Variants in CDK19 observed in about 807,000 individuals in gnomAD.
The protein encoded by CDK19 is cyclin-dependent kinase 19.
In CDK19, 20 loss-of-function variants were observed where a neutral mutation model predicts 68.3. The observed-to-expected ratio is 0.29, with a 90% CI of 0.21 to 0.43. The LOEUF is 0.43. Ranked by LOEUF, CDK19 falls within the 20% of genes least tolerant of loss-of-function variation. CDK19 has a pLI of 1.00. For synonymous variants in CDK19, 221 were observed against 222.8 expected (o/e 0.99, Z 0.07); for missense variants, 339 against 623.5 (o/e 0.54, Z 4.86).
At chr6:110,773,681 C>CT (rs1245295557) in intron 1 of CDK19, among the ~76,000 whole-genome samples, 4 of 152,146 alleles carry the variant, frequency 2.6e-5, no homozygotes, top group Admixed American at 2.6e-4. Context: ...CTAAATGTTA[C>CT]TTTTTTTAAT....
intron 12 of CDK19, among the ~76,000 whole-genome samples, chr6:110,617,977 C>A (rs1378392352): frequency 6.6e-6 from 1 of 151,650 alleles, no homozygotes; most frequent in Non-Finnish European, 1.5e-5. Flanking sequence ...TCACCAGCAC[C>A]ATGACAGTTC....
In CDK19 at chr6:110,610,292, T is replaced by C. The variant is rs557404927; in HGVS notation, c.*4243A>G. The C allele has an allele frequency of 1.3e-5, 2 of 152,712 alleles. No individual in the cohort carries two copies. The highest frequency in any genetic ancestry group is 2.1e-4 in the South Asian group (1 of 4,828). 9.5% of individuals were successfully genotyped at this position (152,712 alleles called of 1,614,324 possible). A position where few individuals can be genotyped will look rare whatever the true frequency, so the allele number is the denominator to read the frequency against. On this transcript the variant is annotated 3_prime_UTR_variant, in exon 13 of 13. Transcript: ENST00000368911. Reference sequence around the variant, plus strand: ...TTCACAAATAGGAATTATAGGAATATACAAACTAGGCAGTTTAGAAAGGAT... The same window carrying C: ...TTCACAAATAGGAATTATAGGAATACACAAACTAGGCAGTTTAGAAAGGAT...
At chr6:110,742,565 C>A (rs1248659731) in intron 2 of CDK19, among the ~76,000 whole-genome samples, 1 of 152,108 alleles carries the variant, frequency 6.6e-6, no homozygotes, top group African/African-American at 2.4e-5. Context: ...AACGGACGTG[C>A]AAGTAGGAGA....
intron 1 of CDK19, 94 bp downstream of exon 1, chr6:110,814,915 G>T: frequency 6.5e-7 from 1 of 1,546,090 alleles, no homozygotes; most frequent in Non-Finnish European, 8.8e-7. Flanking sequence ...CGCCCCTCGG[G>T]CACGGCCCGA....
At chr6:110,699,232 C>T (rs1300980326) in intron 2 of CDK19, among the ~76,000 whole-genome samples, 7 of 151,932 alleles carry the variant, frequency 4.6e-5, no homozygotes, top group African/African-American at 1.7e-4. Flanking sequence ...CAAGACCAGC[C>T]TCGACAACAT....
chr6:110,765,050 A>T (rs192883566), intron 1 of CDK19, among the ~76,000 whole-genome samples: 4,198 of 146,886 alleles, frequency 0.029, 82 homozygotes, highest in South Asian at 0.085. Flanking sequence ...AACACAATTC[A>T]TTTTTTTTTT....
intron 2 of CDK19, among the ~76,000 whole-genome samples, chr6:110,743,390 A>C (rs188145013): frequency 3.2e-3 from 487 of 152,264 alleles, no homozygotes; most frequent in Non-Finnish European, 5.8e-3. Flanking sequence ...GCCTGTAACT[A>C]CAGCACTTTG....
intron 1 of CDK19, among the ~76,000 whole-genome samples, chr6:110,799,380 T>C (rs922497816): frequency 2.0e-5 from 3 of 152,026 alleles, no homozygotes; most frequent in African/African-American, 7.2e-5. Flanking sequence ...GGGAGGAGTA[T>C]GCGGACCATG....
intron 2 of CDK19, among the ~76,000 whole-genome samples, chr6:110,699,399 C>T (rs957074924): frequency 5.7e-5 from 8 of 139,740 alleles, no homozygotes; most frequent in African/African-American, 1.1e-4. Flanking sequence ...CATTCCAGCT[C>T]GGGCAAGAGA....
intron 2 of CDK19, among the ~76,000 whole-genome samples, chr6:110,679,472 C>G (rs1010367660): frequency 3.9e-5 from 6 of 151,948 alleles, no homozygotes; most frequent in Admixed American, 1.3e-4. Context: ...ATTAGCCAGG[C>G]GTGGTGGTGG....
chr6:110,614,653 C>T lies in CDK19; in HGVS notation c.1391G>A (p.Arg464His), dbSNP rs758747416. Residue 464 changes from arginine to histidine, a missense_variant, in exon 13 of 13, where the codon CGC becomes CAC. Physicochemically the swap from Arg to His is conservative, Grantham distance 29. Around this residue, in one of 4 missense-constraint regions of CDK19, gnomAD observed 155 missense variants for 222.7 expected, o/e 0.70. Coordinates refer to ENST00000368911, the MANE Select transcript of CDK19 (RefSeq NM_015076.5). ...MPSDYQHSSS[R>H]LNYQSSVQGS... ...CTGAACGCTGCTTTGGTAATTCAGG[C>T]GAGAACTGGAGTGCTAGGAGAAGGA... 8.1e-6 allele frequency: 13 copies of T among 1,613,546 alleles called. No homozygotes were observed. The highest frequency in any genetic ancestry group is 3.3e-5 in the South Asian group (3 of 91,056).
intron 2 of CDK19, among the ~76,000 whole-genome samples, chr6:110,700,410 G>A (rs1384358032): frequency 3.9e-5 from 6 of 152,164 alleles, no homozygotes; most frequent in Non-Finnish European, 7.3e-5. Context: ...GTTGGGGACT[G>A]CTAGCTTATA....
At chr6:110,759,424 A>ATATAT (rs1294151959) in intron 1 of CDK19, among the ~76,000 whole-genome samples, 2 of 107,980 alleles carry the variant, frequency 1.9e-5, no homozygotes, top group Non-Finnish European at 3.7e-5. Flanking sequence ...AAAAAAAAAA[A>ATATAT]AAAAATATAT....
At chr6:110,709,570 C>A (rs1442180983) in intron 2 of CDK19, among the ~76,000 whole-genome samples, 2 of 150,192 alleles carry the variant, frequency 1.3e-5, no homozygotes, top group Admixed American at 6.6e-5. Context: ...CAAGAAATAG[C>A]AAACTGTTAC....
chr6:110,628,376 T>G (rs956975978), intron 6 of CDK19, among the ~76,000 whole-genome samples: 3 of 152,226 alleles, frequency 2.0e-5, no homozygotes, highest in African/African-American at 7.2e-5. Context: ...TTACCTGCAG[T>G]CAACCACTGC....
chr6:110,738,118 G>C (rs1044197781), intron 2 of CDK19, among the ~76,000 whole-genome samples: 2 of 152,066 alleles, frequency 1.3e-5, no homozygotes, highest in African/African-American at 4.8e-5. Flanking sequence ...TCACAGAAAA[G>C]GTAAAATACT....
intron 12 of CDK19, among the ~76,000 whole-genome samples, chr6:110,618,825 TC>T (rs61108462): frequency 0.53 from 80,979 of 152,012 alleles, 22,864 homozygotes; most frequent in East Asian, 0.88. Flanking sequence ...AGACAGCCCC[TC>T]CCTCTGCTAT....
chr6:110,681,823 G>A (rs1772043924), intron 2 of CDK19, among the ~76,000 whole-genome samples: 1 of 152,094 alleles, frequency 6.6e-6, no homozygotes, highest in Admixed American at 6.6e-5. Flanking sequence ...ATAGTAACAT[G>A]ATCCCACTGG....
At chr6:110,771,805 CT>C (rs1369652039) in intron 1 of CDK19, among the ~76,000 whole-genome samples, 1 of 152,230 alleles carries the variant, frequency 6.6e-6, no homozygotes, top group Non-Finnish European at 1.5e-5. Context: ...CCTAAATCAT[CT>C]TTCTCAAGTT....
Sources: gnomAD v4.1 joint callset for allele counts (sites outside exome capture counted in the v4.1 genomes callset) on GRCh38, gnomAD v4.1.1 for gene constraint, gnomAD v4.1.1 regional missense constraint, MANE v1.5 for transcripts, NCBI Gene and HGNC (gene_info 2026-07-23, HGNC 2026-07-21) for gene names.